The following MACROD1 variants were observed in gnomAD, a reference collection of about 807,000 sequenced individuals.
The protein encoded by MACROD1 is mono-ADP ribosylhydrolase 1, also known as ADP-ribose glycohydrolase MACROD1.
MACROD1 carries 31 observed loss-of-function variants against 41.4 expected under a neutral mutation model. The observed-to-expected ratio is 0.75, with a 90% CI of 0.56 to 1.01. The LOEUF (loss-of-function observed/expected upper bound fraction) is 1.01. MACROD1 is among the 50% of genes least tolerant of loss of function. The pLI is 0.00. For synonymous variants in MACROD1, 252 were observed against 203.4 expected (o/e 1.24, Z -2.03); for missense variants, 473 against 460.0 (o/e 1.03, Z -0.26).
rs752633296 is a variant in MACROD1 at position 64,152,302 on chromosome 11, C to T, written c.390G>A (p.Glu130=). 7 of 1,614,256 alleles carry T rather than the reference C, an allele frequency of 4.3e-6. No individual in the cohort carries two copies. The highest frequency in any genetic ancestry group is 5.1e-6 in the Non-Finnish European group (6 of 1,180,044). Residue 130 remains glutamate (E), a synonymous_variant, in exon 2 of 11, where the codon GAG becomes GAA. Transcript: ENST00000255681. ...CCGAGCAGGGCCTACCTTTCGCCAT[C>T]TCCTTCCATGTCGGGATCTTCTTCA... The part of the protein sequence containing the change: ...VRLKKIPTWK[E]MAKGVAVKVE...
chr11:64,156,515 C>G (rs1945671113), intron 1 of MACROD1, among the ~76,000 whole-genome samples: 1 of 152,192 alleles, frequency 6.6e-6, no homozygotes, highest in Non-Finnish European at 1.5e-5. Flanking sequence ...GGAACTAGAC[C>G]AGCGTGACCA....
chr11:64,057,880 G>T (rs139715045), intron 3 of MACROD1, among the ~76,000 whole-genome samples: 13 of 152,326 alleles, frequency 8.5e-5, no homozygotes, highest in Non-Finnish European at 1.3e-4. Context: ...AATTCGTGAG[G>T]TCACAGGATT....
chr11:64,118,408 T>C, intron 3 of MACROD1: 1 of 1,298,866 alleles, frequency 7.7e-7, no homozygotes, highest in East Asian at 2.6e-5. Flanking sequence ...ATGGGTGACT[T>C]TCCTCCGCAG....
At position 64,071,709 on chromosome 11, in the gene MACROD1, A is replaced by T. The variant is rs569831615; in HGVS notation, c.518-56428T>A. On this transcript the variant is annotated intron_variant, in intron 3 of 10. Coordinates refer to ENST00000255681, the MANE Select transcript of MACROD1 (RefSeq NM_014067.4). ...TGGTTATGGGGTGGTCATGAGACCA[A>T]GGCCCTTTGTCAAGCAGGAGGCCCT... is the stretch of plus-strand genomic sequence containing the variant. Among the ~76,000 whole-genome samples, 12 of 152,270 alleles carry T rather than the reference A, an allele frequency of 7.9e-5. No homozygotes were observed. The East Asian group carries it at 1.9e-3, about 25-fold the overall frequency.
At chr11:64,031,700 A>G (rs1292441369) in intron 3 of MACROD1, among the ~76,000 whole-genome samples, 2 of 152,070 alleles carry the variant, frequency 1.3e-5, no homozygotes, top group African/African-American at 4.8e-5. Context: ...CTGGTCACGA[A>G]TGGCTGACCT....
chr11:64,024,324 T>C (rs966812593), intron 3 of MACROD1, among the ~76,000 whole-genome samples: 1 of 152,244 alleles, frequency 6.6e-6, no homozygotes, highest in Admixed American at 6.5e-5. Flanking sequence ...GTATTTCCAG[T>C]GGCTTCTTTC....
At chr11:64,075,285 T>C (rs1173380405) in intron 3 of MACROD1, among the ~76,000 whole-genome samples, 1 of 152,244 alleles carries the variant, frequency 6.6e-6, no homozygotes, top group Non-Finnish European at 1.5e-5. Context: ...GGCTGGCCCT[T>C]GGCCCCTCCC....
At chr11:64,039,723 G>A (rs1002224637) in intron 3 of MACROD1, among the ~76,000 whole-genome samples, 15 of 152,172 alleles carry the variant, frequency 9.9e-5, no homozygotes, top group Non-Finnish European at 1.5e-4. Flanking sequence ...ACCATCGCTC[G>A]AGGCCCCCAG....
intron 3 of MACROD1, among the ~76,000 whole-genome samples, chr11:64,048,468 C>T (rs754880611): frequency 6.6e-6 from 1 of 152,144 alleles, no homozygotes; most frequent in African/African-American, 2.4e-5. Context: ...GCTGTGGTTG[C>T]CAGGGACCCA....
intron 1 of MACROD1, among the ~76,000 whole-genome samples, chr11:64,159,094 G>C (rs967790675): frequency 1.3e-5 from 2 of 152,040 alleles, no homozygotes; most frequent in African/African-American, 4.8e-5. Context: ...GGCTGAGGCA[G>C]GTGGATCACG....
chr11:64,127,248 GC>G (rs1481524337), intron 3 of MACROD1, among the ~76,000 whole-genome samples: 1 of 152,252 alleles, frequency 6.6e-6, no homozygotes, highest in Non-Finnish European at 1.5e-5. Flanking sequence ...AAGTCCACTT[GC>G]CTTGTTCTTT....
intron 3 of MACROD1, among the ~76,000 whole-genome samples, chr11:64,025,760 G>A (rs2622425): frequency 6.9e-6 from 1 of 144,330 alleles, no homozygotes. Flanking sequence ...CTGTTGCCCA[G>A]ACTGGAGTGA....
At position 64,145,630 on chromosome 11, in the gene MACROD1, C is replaced by T. The variant is rs150436252; in HGVS notation, c.517+5609G>A. On this transcript the variant is annotated intron_variant, in intron 3 of 10. Transcript: ENST00000255681. ...CCACGGTGCGCACAGCCCATGCTCA[C>T]TGCTCTGGGCTGGCATTGAAACAAA... 8.8e-3 allele frequency among the ~76,000 whole-genome samples: 1,348 copies of T among 152,356 alleles called. 6 individuals are homozygous for T. The highest frequency in any genetic ancestry group is 0.015 in the Admixed American group (234 of 15,308).
chr11:64,009,663 G>A (rs1479590035), intron 4 of MACROD1, among the ~76,000 whole-genome samples: 2 of 152,110 alleles, frequency 1.3e-5, no homozygotes, highest in Admixed American at 6.5e-5. Context: ...GGTGGGTGGG[G>A]GTCCAGGCCC....
intron 3 of MACROD1, among the ~76,000 whole-genome samples, chr11:64,046,021 A>G (rs899239182): frequency 6.6e-6 from 1 of 152,224 alleles, no homozygotes; most frequent in African/African-American, 2.4e-5. Context: ...ATCTCATTTA[A>G]TCCCCATAAG....
intron 1 of MACROD1, among the ~76,000 whole-genome samples, chr11:64,155,150 G>A (rs1490470735): frequency 6.6e-6 from 1 of 152,220 alleles, no homozygotes; most frequent in Admixed American, 6.5e-5. Flanking sequence ...AGGAATAAAT[G>A]AGCCAAGACC....
In MACROD1 at chr11:64,165,872, C is replaced by T. The variant is rs1041028371; in HGVS notation, c.123G>A (p.Thr41=). 5.6e-6 allele frequency: 8 copies of T among 1,421,742 alleles called. No individual in the cohort carries two copies. Among genetic ancestry groups the T allele is most frequent in the Middle Eastern group, 2.4e-4 (1 of 4,122 alleles). 88.1% of individuals were successfully genotyped at this position (1,421,742 alleles called of 1,614,324 possible). The change falls in exon 1 of 11, where the codon ACG becomes ACA. Residue 41 remains threonine, a synonymous_variant. Transcript: ENST00000255681. ...CGCCCAGGAACGCCGGGGGACCGCA[C>T]GTGCTGCTGCGGGTCCTCGTGGCAC... The part of the protein sequence containing the change: ...LAGATRTRSS[T]CGPPAFLGVF...
chr11:64,162,723 G>A (rs140717675), intron 1 of MACROD1, among the ~76,000 whole-genome samples: 17 of 152,060 alleles, frequency 1.1e-4, no homozygotes, highest in African/African-American at 4.1e-4. Flanking sequence ...GCTGAGGCAG[G>A]AGAATGGCAT....
At chr11:64,021,485 G>A (rs943887549) in intron 3 of MACROD1, among the ~76,000 whole-genome samples, 4 of 152,236 alleles carry the variant, frequency 2.6e-5, no homozygotes, top group African/African-American at 4.8e-5. Context: ...CAAGGAAAGC[G>A]CTGAGCAGGT....
Sources: gnomAD v4.1 joint callset for allele counts (sites outside exome capture counted in the v4.1 genomes callset) on GRCh38, gnomAD v4.1.1 for gene constraint, MANE v1.5 for transcripts, NCBI Gene and HGNC (gene_info 2026-07-23, HGNC 2026-07-21) for gene names.